IGFBP5: variants seen among roughly 807,000 people sequenced by gnomAD.
IGFBP5 encodes the protein insulin like growth factor binding protein 5.
A neutral mutation model predicts 28.0 loss-of-function variants in IGFBP5; 12 were observed. The observed-to-expected ratio is 0.43, with a 90% CI of 0.27 to 0.69. IGFBP5 has a LOEUF of 0.69. Ranked by LOEUF, IGFBP5 falls within the 30% of genes least tolerant of loss-of-function variation. The pLI is 0.20. For missense variants in IGFBP5, 344 were observed against 381.6 expected, an observed-to-expected ratio of 0.90 and a Z score of 0.82; for synonymous variants, 152 against 150.2, an observed-to-expected ratio of 1.01 and a Z score of -0.09.
rs1688873773 is a variant in IGFBP5 at position 216,674,643 on chromosome 2, C to T, written c.*2108G>A. On this transcript the variant is annotated 3_prime_UTR_variant, in exon 4 of 4. Transcript: ENST00000233813. The surrounding 1 kb of genome is among the most constrained non-coding windows in gnomAD (Gnocchi z 4.4). The stretch of plus-strand genomic sequence containing the variant: ...CCAAGCCCCCTTTCCTGGATATCTT[C>T]AGCCTTAAAGAACAGTCACAAGGCC... The T allele has an allele frequency of 6.6e-6, 1 of 152,272 alleles. No homozygotes were observed. Among genetic ancestry groups the T allele is most frequent in the African/African-American group, 2.4e-5 (1 of 41,464 alleles). The allele number at this position is 152,272 out of a possible 1,614,324, so 9.4% of individuals were successfully genotyped here.
rs1236816468 is a variant in IGFBP5, at chr2:216,673,463, A to C, written c.*3288T>G. 6.6e-6 allele frequency: 1 copy of C among 152,410 alleles called. No individual in the cohort carries two copies. Among genetic ancestry groups the C allele is most frequent in the Non-Finnish European group, 1.5e-5 (1 of 68,178 alleles). 9.4% of individuals were successfully genotyped at this position (152,410 alleles called of 1,614,324 possible). A position where few individuals can be genotyped will look rare whatever the true frequency, so the allele number is the denominator to read the frequency against. On this transcript the variant is annotated 3_prime_UTR_variant, in exon 4 of 4. Coordinates refer to ENST00000233813, the MANE Select transcript of IGFBP5 (RefSeq NM_000599.4). The surrounding 1 kb of genome is among the most constrained non-coding windows in gnomAD (Gnocchi z 4.3). ...TGGGTCAGGGCAGGCTGGAGGAAGG[A>C]GGGTCAGTCCTGGCTGGGCTTCCCT...
At chr2:216,677,733 G>C (rs960431607) in intron 3 of IGFBP5, among the ~76,000 whole-genome samples, 1 of 152,234 alleles carries the variant, frequency 6.6e-6, no homozygotes, top group Admixed American at 6.5e-5. Flanking sequence ...GCCCAAAGGA[G>C]AGCCTGGCTG....
At chr2:216,682,487 A>G (rs185597820) in intron 1 of IGFBP5, among the ~76,000 whole-genome samples, 25 of 152,310 alleles carry the variant, frequency 1.6e-4, no homozygotes, top group Non-Finnish European at 3.5e-4. Flanking sequence ...CTCTGGAGCT[A>G]TTTCATCAAG....
At chr2:216,689,359 A>G (rs1257308357) in intron 1 of IGFBP5, among the ~76,000 whole-genome samples, 1 of 152,250 alleles carries the variant, frequency 6.6e-6, no homozygotes, top group African/African-American at 2.4e-5. Flanking sequence ...TGACCAAACC[A>G]CTAGCCTAAG....
intron 1 of IGFBP5, among the ~76,000 whole-genome samples, chr2:216,680,744 A>G (rs749575985): frequency 4.6e-5 from 7 of 152,276 alleles, no homozygotes; most frequent in Admixed American, 6.5e-5. Context: ...GAAGGGACGT[A>G]ATTACTGGAG....
intron 1 of IGFBP5, among the ~76,000 whole-genome samples, chr2:216,682,973 G>A (rs1688995264): frequency 6.6e-6 from 1 of 152,112 alleles, no homozygotes; most frequent in Non-Finnish European, 1.5e-5. Flanking sequence ...CTCCCAAAGA[G>A]CTGGGATTAC....
At chr2:216,691,662 C>T (rs1689097087) in intron 1 of IGFBP5, among the ~76,000 whole-genome samples, 1 of 152,102 alleles carries the variant, frequency 6.6e-6, no homozygotes, top group South Asian at 2.1e-4. Flanking sequence ...TCTCCTCCGC[C>T]CTCTCCTTTC....
Position 216,676,530 on chromosome 2 carries a change from G to GC in IGFBP5, c.*220_*221insG, listed in dbSNP as rs11575206. ...TGCCTCAAAAAGAAAACCATTTAAA[G>GC]GGGGGGGGTGTCTTTTTAGCTTTTT... On this transcript the variant is annotated 3_prime_UTR_variant, in exon 4 of 4. Coordinates refer to ENST00000233813, the MANE Select transcript of IGFBP5 (RefSeq NM_000599.4). 2 of 243,928 alleles carry GC rather than the reference G, an allele frequency of 8.2e-6. No homozygotes were observed. Among genetic ancestry groups the GC allele is most frequent in the Admixed American group, 5.7e-5 (1 of 17,424 alleles). The allele number at this position is 243,928 out of a possible 1,614,324, so 15.1% of individuals were successfully genotyped here. A position where few individuals can be genotyped will look rare whatever the true frequency, so the allele number is the denominator to read the frequency against.
At chr2:216,689,004 A>G (rs983188351) in intron 1 of IGFBP5, among the ~76,000 whole-genome samples, 1 of 152,138 alleles carries the variant, frequency 6.6e-6, no homozygotes, top group African/African-American at 2.4e-5. Context: ...AAAGAAAGCC[A>G]GGGGGCCCTC....
intron 1 of IGFBP5, among the ~76,000 whole-genome samples, chr2:216,691,687 T>C (rs956919357): frequency 7.2e-5 from 11 of 152,096 alleles, no homozygotes; most frequent in African/African-American, 2.4e-4. Flanking sequence ...CCAGAGGCTT[T>C]GGCTGCCTGC....
chr2:216,681,651 G>A (rs1326028071), intron 1 of IGFBP5, among the ~76,000 whole-genome samples: 2 of 152,136 alleles, frequency 1.3e-5, no homozygotes, highest in Admixed American at 6.5e-5. Context: ...TGAAATGGGG[G>A]TGCCATTCCA....
At chr2:216,691,383 G>A (rs1181820409) in intron 1 of IGFBP5, among the ~76,000 whole-genome samples, 1 of 151,476 alleles carries the variant, frequency 6.6e-6, no homozygotes, top group Non-Finnish European at 1.5e-5. Context: ...CTGGGGACCA[G>A]CCCATCAAAC....
At chr2:216,687,446 A>AGGGACCAGAGGTAAAGAGAG (rs1262326645) in intron 1 of IGFBP5, among the ~76,000 whole-genome samples, 1 of 152,188 alleles carries the variant, frequency 6.6e-6, no homozygotes, top group Non-Finnish European at 1.5e-5. Context: ...CCCACTGTCC[A>AGGGACCAGAGGTAAAGAGAG]GGGACCAGAG....
At chr2:216,685,236 G>A (rs1298909646) in intron 1 of IGFBP5, among the ~76,000 whole-genome samples, 6 of 150,562 alleles carry the variant, frequency 4.0e-5, no homozygotes, top group East Asian at 2.0e-4. Flanking sequence ...AGCCAAGATC[G>A]TGCCACTACA....
rs1211875338 is a variant in IGFBP5 at position 216,672,292 on chromosome 2, G to C, written c.*4459C>G. 1 of 138,018 alleles carries C rather than the reference G, an allele frequency of 7.2e-6. No individual in the cohort carries two copies. The highest frequency in any genetic ancestry group is 7.3e-5 in the Admixed American group (1 of 13,706). 8.5% of individuals were successfully genotyped at this position (138,018 alleles called of 1,614,324 possible). A position where few individuals can be genotyped will look rare whatever the true frequency, so the allele number is the denominator to read the frequency against. On this transcript the variant is annotated 3_prime_UTR_variant, in exon 4 of 4. Transcript: ENST00000233813. The stretch of plus-strand genomic sequence containing the variant: ...TGCTAAACGGGAGCCGAGCTCTTCC[G>C]CATTCAGGTGTTTTTTTTTTTTTTT...
chr2:216,684,435 T>C (rs989239480), intron 1 of IGFBP5, among the ~76,000 whole-genome samples: 3 of 152,204 alleles, frequency 2.0e-5, no homozygotes, highest in Non-Finnish European at 2.9e-5. Flanking sequence ...GTGACCCAGA[T>C]ATTGTGCCTT....
intron 1 of IGFBP5, among the ~76,000 whole-genome samples, chr2:216,682,708 T>C (rs1478559126): frequency 1.3e-5 from 2 of 150,942 alleles, no homozygotes; most frequent in East Asian, 3.9e-4. Context: ...ACTGGAAGCG[T>C]TTTTTGTTTT....
intron 3 of IGFBP5, 124 bp from the exon 4 acceptor site, chr2:216,677,006 C>T (rs1688908700): frequency 9.5e-7 from 1 of 1,058,088 alleles, no homozygotes; most frequent in African/African-American, 1.6e-5. Flanking sequence ...GGCACTAGAC[C>T]CGACCCTTGG....
intron 1 of IGFBP5, among the ~76,000 whole-genome samples, chr2:216,686,137 C>T (rs2106222554): frequency 6.6e-6 from 1 of 152,280 alleles, no homozygotes; most frequent in African/African-American, 2.4e-5. Context: ...GTGTACCCAG[C>T]TGAGCCCCCC....
Sources: allele counts gnomAD v4.1 joint callset (sites outside exome capture counted in the v4.1 genomes callset), GRCh38; gene constraint gnomAD v4.1.1; non-coding constraint Gnocchi (gnomAD v3.1); transcripts MANE v1.5; gene names NCBI Gene and HGNC (gene_info 2026-07-23, HGNC 2026-07-21).